NRG3: variants seen among roughly 807,000 people sequenced by gnomAD.
NRG3 encodes the protein pro-neuregulin-3, membrane-bound isoform.
A neutral mutation model predicts 66.9 loss-of-function variants in NRG3; 31 were observed. That is an observed-to-expected ratio of 0.46 (90% CI 0.35 to 0.63). The LOEUF is 0.63. Ranked by LOEUF, NRG3 falls within the 20% of genes least tolerant of loss-of-function variation. The pLI, the probability that NRG3 is intolerant of heterozygous loss-of-function variation, is 0.00. For synonymous variants in NRG3, 393 were observed against 359.4 expected (o/e 1.09, Z -1.06); for missense variants, 910 against 878.9 (o/e 1.04, Z -0.45).
At chr10:81,943,825 G>A (rs916857157) in intron 1 of NRG3, among the ~76,000 whole-genome samples, 2 of 152,186 alleles carry the variant, frequency 1.3e-5, no homozygotes, top group African/African-American at 2.4e-5. Context: ...TTCTTCCACT[G>A]ATGATTTTTT....
At chr10:82,919,691 C>T (rs1188990647) in intron 4 of NRG3, among the ~76,000 whole-genome samples, 4 of 152,106 alleles carry the variant, frequency 2.6e-5, no homozygotes. Context: ...TCTTGGCTAA[C>T]ACAAATGTAG....
At chr10:82,499,050 G>A (rs1843893115) in intron 2 of NRG3, among the ~76,000 whole-genome samples, 1 of 151,990 alleles carries the variant, frequency 6.6e-6, no homozygotes, top group African/African-American at 2.4e-5. Context: ...CATTTGAAAA[G>A]GAAATGCCAT....
At chr10:82,202,385 C>T (rs932898982) in intron 1 of NRG3, among the ~76,000 whole-genome samples, 4 of 152,152 alleles carry the variant, frequency 2.6e-5, no homozygotes, top group Admixed American at 6.5e-5. Context: ...GCATGTGAGT[C>T]TTCCTTGGTT....
At chr10:81,962,024 G>T (rs925306137) in intron 1 of NRG3, among the ~76,000 whole-genome samples, 1 of 152,152 alleles carries the variant, frequency 6.6e-6, no homozygotes, top group Non-Finnish European at 1.5e-5. Context: ...GCCCTATTAA[G>T]CCAAAAACTC....
intron 4 of NRG3, among the ~76,000 whole-genome samples, chr10:82,931,563 CCTT>C (rs1467826554): frequency 6.6e-6 from 1 of 152,166 alleles, no homozygotes; most frequent in Non-Finnish European, 1.5e-5. Context: ...CCTCACTTCT[CCTT>C]CTAGTTTTCA....
intron 3 of NRG3, among the ~76,000 whole-genome samples, chr10:82,821,765 G>A (rs1257804898): frequency 6.6e-6 from 1 of 152,102 alleles, no homozygotes; most frequent in African/African-American, 2.4e-5. Flanking sequence ...TTTTCCCATT[G>A]AAAAACAGAG....
At chr10:82,944,599 A>G (rs911233732) in intron 4 of NRG3, among the ~76,000 whole-genome samples, 5 of 152,180 alleles carry the variant, frequency 3.3e-5, no homozygotes, top group Non-Finnish European at 5.9e-5. Context: ...TATCCCTTCA[A>G]TTTGAATCTT....
intron 1 of NRG3, among the ~76,000 whole-genome samples, chr10:82,217,663 A>G (rs2075754705): frequency 2.0e-5 from 3 of 152,188 alleles, no homozygotes; most frequent in African/African-American, 4.8e-5. Context: ...CCTAACAGAT[A>G]GAGTGCTCTA....
chr10:82,705,917 T>C (rs1262349924), intron 2 of NRG3, among the ~76,000 whole-genome samples: 1 of 152,208 alleles, frequency 6.6e-6, no homozygotes, highest in Non-Finnish European at 1.5e-5. Context: ...AGTTATCATT[T>C]AAGGTAAAAA....
At chr10:82,855,942 TG>T (rs1564570535) in intron 3 of NRG3, among the ~76,000 whole-genome samples, 1 of 152,156 alleles carries the variant, frequency 6.6e-6, no homozygotes, top group Non-Finnish European at 1.5e-5. Context: ...AAGACAGCCA[TG>T]AGTTGGACCC....
intron 4 of NRG3, among the ~76,000 whole-genome samples, chr10:82,931,011 G>A (rs1847523836): frequency 6.6e-6 from 1 of 152,184 alleles, no homozygotes; most frequent in Admixed American, 6.5e-5. Context: ...GGAGCCTGGA[G>A]CAGAGTATAG....
chr10:82,730,800 A>T (rs2057861931), intron 2 of NRG3, among the ~76,000 whole-genome samples: 1 of 152,156 alleles, frequency 6.6e-6, no homozygotes, highest in Non-Finnish European at 1.5e-5. Context: ...TTCCGTGATG[A>T]GTGGCTGGGG....
intron 1 of NRG3, among the ~76,000 whole-genome samples, chr10:82,037,717 G>A (rs1362347450): frequency 6.6e-6 from 1 of 152,044 alleles, no homozygotes; most frequent in Admixed American, 6.6e-5. Flanking sequence ...ACTTAAACTT[G>A]GTGAACCTCA....
At chr10:82,865,723 C>A (rs1840650422) in intron 4 of NRG3, among the ~76,000 whole-genome samples, 2 of 152,132 alleles carry the variant, frequency 1.3e-5, no homozygotes, top group African/African-American at 4.8e-5. Context: ...ATTTTCATAT[C>A]TGTAAAATAG....
At chr10:82,770,132 C>T (rs570039646) in intron 3 of NRG3, among the ~76,000 whole-genome samples, 2 of 152,086 alleles carry the variant, frequency 1.3e-5, no homozygotes, top group South Asian at 4.2e-4. Flanking sequence ...TTTACATGTA[C>T]TCTTACTCTC....
At chr10:82,782,571 T>A (rs2060162704) in intron 3 of NRG3, among the ~76,000 whole-genome samples, 1 of 152,078 alleles carries the variant, frequency 6.6e-6, no homozygotes, top group Non-Finnish European at 1.5e-5. Context: ...AACAAATACC[T>A]GAAAATGTGG....
chr10:81,918,959 A>G (rs917744757), intron 1 of NRG3, among the ~76,000 whole-genome samples: 9 of 133,346 alleles, frequency 6.7e-5, no homozygotes, highest in Admixed American at 6.7e-4. Flanking sequence ...ATTAACTACT[A>G]TTGCATCATA....
chr10:82,800,219 T>C (rs2060979689), intron 3 of NRG3, among the ~76,000 whole-genome samples: 1 of 152,232 alleles, frequency 6.6e-6, no homozygotes. Flanking sequence ...AAGTTAACAT[T>C]AGCAAAATGT....
At chr10:82,893,169 G>A (rs1321032196) in intron 4 of NRG3, among the ~76,000 whole-genome samples, 8 of 152,118 alleles carry the variant, frequency 5.3e-5, no homozygotes, top group African/African-American at 1.7e-4. Flanking sequence ...CTGTTTCCAG[G>A]AACATATCAT....
Sources: gnomAD v4.1 joint callset for allele counts (sites outside exome capture counted in the v4.1 genomes callset) on GRCh38, gnomAD v4.1.1 for gene constraint, MANE v1.5 for transcripts, NCBI Gene and HGNC (gene_info 2026-07-23, HGNC 2026-07-21) for gene names.